FNDC3A: variants seen among roughly 807,000 people sequenced by gnomAD.
FNDC3A encodes the protein fibronectin type III domain containing 3A, also known as fibronectin type-III domain-containing protein 3A.
FNDC3A carries 32 observed loss-of-function variants against 148.9 expected under a neutral mutation model. The ratio of observed to expected loss-of-function variants is 0.21; its 90% confidence interval spans 0.16 to 0.29. FNDC3A has a LOEUF of 0.29. FNDC3A is among the 10% of genes least tolerant of loss of function. The probability of loss-of-function intolerance (pLI) is 1.00; values close to 1 mark genes in which losing one functional copy is unlikely to be tolerated. For missense variants in FNDC3A, 1,191 were observed against 1,452.8 expected, an observed-to-expected ratio of 0.82 and a Z score of 2.93; for synonymous variants, 472 against 473.6, an observed-to-expected ratio of 1.00 and a Z score of 0.04.
chr13:49,076,992 G>A (rs1445808813), intron 3 of FNDC3A, among the ~76,000 whole-genome samples: 1 of 152,130 alleles, frequency 6.6e-6, no homozygotes, highest in Non-Finnish European at 1.5e-5. Flanking sequence ...AGTTTAAAAA[G>A]GGAAGACAAG....
intron 8 of FNDC3A, among the ~76,000 whole-genome samples, chr13:49,159,908 G>A (rs1334676430): frequency 2.0e-5 from 3 of 152,184 alleles, no homozygotes; most frequent in Non-Finnish European, 4.4e-5. Context: ...CTATTTATAT[G>A]ATGGATTACG....
chr13:49,086,600 A>G (rs1878832148), intron 3 of FNDC3A, among the ~76,000 whole-genome samples: 1 of 152,220 alleles, frequency 6.6e-6, no homozygotes, highest in Non-Finnish European at 1.5e-5. Context: ...AAGTAACTCA[A>G]GTCAAAACCA....
intron 2 of FNDC3A, among the ~76,000 whole-genome samples, chr13:49,013,522 GTA>G (rs1468528685): frequency 3.3e-5 from 5 of 151,418 alleles, no homozygotes; most frequent in Non-Finnish European, 4.4e-5. Flanking sequence ...ATGTACACGT[GTA>G]TACATGTATA....
In FNDC3A at chr13:49,186,005, A is replaced by T. The variant is rs753854776; in HGVS notation, c.1659A>T (p.Glu553Asp). 2.5e-6 allele frequency: 4 copies of T among 1,612,266 alleles called. No homozygotes were observed. Among genetic ancestry groups the T allele is most frequent in the Non-Finnish European group, 3.4e-6 (4 of 1,178,548 alleles). The change falls in exon 15 of 26, where the codon GAA (glutamate) becomes GAT (aspartate). Residue 553 changes from glutamate (E) to aspartate (D), a missense_variant. Glu to Asp is a conservative substitution (Grantham distance 45). Coordinates refer to ENST00000492622, the MANE Select transcript of FNDC3A (RefSeq NM_001079673.2). ...CAGAAGGTAAAAGTAATCCAAGTGA[A>T]GTAGTAGAATTTACTACTTGCCCTG... ...YNSEGKSNPS[E>D]VVEFTTCPDK... is the part of the protein sequence containing the mutation.
chr13:48,984,928 C>T (rs1361697998), intron 1 of FNDC3A, among the ~76,000 whole-genome samples: 3 of 152,084 alleles, frequency 2.0e-5, no homozygotes, highest in Non-Finnish European at 4.4e-5. Flanking sequence ...GTGATCTGCT[C>T]GCCTCAGCCT....
chr13:49,031,283 G>GA (rs1374330948), intron 2 of FNDC3A, among the ~76,000 whole-genome samples: 5 of 152,024 alleles, frequency 3.3e-5, no homozygotes, highest in Non-Finnish European at 5.9e-5. Context: ...TCGGGAGGCT[G>GA]AGGCAGGAGA....
At chr13:49,136,733 G>C in intron 6 of FNDC3A, 132 bp downstream of exon 6, 1 of 808,040 alleles carries the variant, frequency 1.2e-6, no homozygotes, top group Non-Finnish European at 1.9e-6. Context: ...GCTTTCGACA[G>C]TTTGGAAAGC....
chr13:49,203,314 C>G, intron 25 of FNDC3A, 30 bp downstream of exon 25: 1 of 1,521,984 alleles, frequency 6.6e-7, no homozygotes. Flanking sequence ...TGTGTGGATG[C>G]ATATTTTTAC....
At chr13:49,031,773 G>A (rs1445328602) in intron 2 of FNDC3A, among the ~76,000 whole-genome samples, 2 of 152,022 alleles carry the variant, frequency 1.3e-5, no homozygotes, top group African/African-American at 4.8e-5. Flanking sequence ...AGAAAAATGA[G>A]ATACAGTATA....
chr13:49,056,548 TTC>T (rs1052400004), intron 2 of FNDC3A, among the ~76,000 whole-genome samples: 1 of 152,206 alleles, frequency 6.6e-6, no homozygotes, highest in Admixed American at 6.5e-5. Context: ...CCTTTCTTCA[TTC>T]TCTGTTCTTC....
chr13:49,079,009 A>G (rs866690418), intron 3 of FNDC3A, among the ~76,000 whole-genome samples: 8 of 152,210 alleles, frequency 5.3e-5, no homozygotes, highest in Admixed American at 3.9e-4. Flanking sequence ...ATTAAAGTCC[A>G]TTCTTTTAAA....
intron 8 of FNDC3A, among the ~76,000 whole-genome samples, chr13:49,162,694 G>C (rs1406914534): frequency 1.3e-5 from 2 of 152,080 alleles, no homozygotes; most frequent in Non-Finnish European, 2.9e-5. Flanking sequence ...GGGGTGCTCT[G>C]GTTTTTAGAA....
chr13:49,158,576 C>G (rs557623229), intron 8 of FNDC3A, among the ~76,000 whole-genome samples: 1 of 152,222 alleles, frequency 6.6e-6, no homozygotes, highest in African/African-American at 2.4e-5. Flanking sequence ...GTTGCCTGTT[C>G]ACTCTGATGG....
chr13:49,177,576 G>T (rs747449412), intron 13 of FNDC3A, among the ~76,000 whole-genome samples: 16 of 152,024 alleles, frequency 1.1e-4, no homozygotes, highest in South Asian at 2.1e-4. Context: ...CAAAAAAATT[G>T]TACACAAATG....
At chr13:49,083,932 T>TTAAA (rs1878642403) in intron 3 of FNDC3A, among the ~76,000 whole-genome samples, 1 of 152,228 alleles carries the variant, frequency 6.6e-6, no homozygotes, top group African/African-American at 2.4e-5. Context: ...AATCTGTTTA[T>TTAAA]TAAACTGAGT....
intron 2 of FNDC3A, among the ~76,000 whole-genome samples, chr13:49,015,957 T>A (rs1952489759): frequency 6.6e-6 from 1 of 151,724 alleles, no homozygotes; most frequent in Non-Finnish European, 1.5e-5. Flanking sequence ...TGAAGCCCAC[T>A]TGATCATGGT....
At chr13:48,979,208 A>G (rs1293540567) in intron 1 of FNDC3A, among the ~76,000 whole-genome samples, 1 of 152,174 alleles carries the variant, frequency 6.6e-6, no homozygotes, top group East Asian at 1.9e-4. Context: ...CAATGTTATT[A>G]AAGTGGGGAT....
At chr13:49,006,120 C>T in intron 1 of FNDC3A, 32 bp from the exon 2 acceptor site, 1 of 776,796 alleles carries the variant, frequency 1.3e-6, no homozygotes, top group Non-Finnish European at 2.2e-6. Flanking sequence ...TAAGGATATA[C>T]TTACAAATGA....
At chr13:49,029,267 A>T (rs551229794) in intron 2 of FNDC3A, among the ~76,000 whole-genome samples, 1 of 152,364 alleles carries the variant, frequency 6.6e-6, no homozygotes, top group Non-Finnish European at 1.5e-5. Flanking sequence ...AATAACAGAG[A>T]AATTTGGGAA....
Sources: allele counts gnomAD v4.1 joint callset (sites outside exome capture counted in the v4.1 genomes callset), GRCh38; gene constraint gnomAD v4.1.1; transcripts MANE v1.5; gene names NCBI Gene and HGNC (gene_info 2026-07-23, HGNC 2026-07-21).